Variants in WDR27 observed in about 807,000 individuals in gnomAD.
The protein encoded by WDR27 is WD repeat-containing protein 27.
In WDR27, 100 loss-of-function variants were observed where a neutral mutation model predicts 114.4. The observed-to-expected ratio is 0.87, with a 90% CI of 0.74 to 1.03. WDR27 has a LOEUF of 1.03. Among genes scored for constraint, WDR27 ranks in the 50% least tolerant of loss-of-function variants. WDR27 has a pLI of 0.00. For missense variants in WDR27, 1,129 were observed against 1,092.9 expected, an observed-to-expected ratio of 1.03 and a Z score of -0.47; for synonymous variants, 449 against 423.1, an observed-to-expected ratio of 1.06 and a Z score of -0.75.
At chr6:169,648,371 G>A (rs1031400407) in intron 15 of WDR27, among the ~76,000 whole-genome samples, 1 of 152,202 alleles carries the variant, frequency 6.6e-6, no homozygotes, top group Non-Finnish European at 1.5e-5. Flanking sequence ...AGGCCCAAGA[G>A]AGCCAAATGC....
At chr6:169,593,020 G>T (rs952913372) in intron 23 of WDR27, among the ~76,000 whole-genome samples, 1 of 152,162 alleles carries the variant, frequency 6.6e-6, no homozygotes, top group African/African-American at 2.4e-5. Context: ...ACTTGGACAT[G>T]ATAAATTATT....
At chr6:169,431,250 A>T in the WDR27 span, among the ~76,000 whole-genome samples, 1 of 152,012 alleles carries the variant, frequency 6.6e-6, no homozygotes, top group East Asian at 1.9e-4. Flanking sequence ...CCCAGTCTGT[A>T]TGTGTGTCCT....
intron 25 of WDR27, among the ~76,000 whole-genome samples, chr6:169,516,285 C>T (rs1324279857): frequency 6.6e-6 from 1 of 152,190 alleles, no homozygotes; most frequent in Non-Finnish European, 1.5e-5. Flanking sequence ...TTTCAACTCC[C>T]TAGCTCAACG....
At chr6:169,466,415 T>C (rs1033296707) in intron 25 of WDR27, among the ~76,000 whole-genome samples, 4 of 152,132 alleles carry the variant, frequency 2.6e-5, no homozygotes, top group African/African-American at 9.7e-5. Flanking sequence ...AACACGTCCT[T>C]CTTCACATGT....
chr6:169,452,709 C>T (rs1055989000), downstream of WDR27, among the ~76,000 whole-genome samples: 1 of 152,232 alleles, frequency 6.6e-6, no homozygotes, highest in African/African-American at 2.4e-5. Flanking sequence ...GGATCAGCAC[C>T]ACGTTCCACG....
At chr6:169,608,954 G>A (rs59913287) in intron 22 of WDR27, among the ~76,000 whole-genome samples, 2,068 of 152,256 alleles carry the variant, frequency 0.014, 44 homozygotes, top group African/African-American at 0.047. Flanking sequence ...GGAGAAACTG[G>A]CCAAAACAAA....
chr6:169,474,082 T>C (rs1228304270), intron 25 of WDR27, among the ~76,000 whole-genome samples: 1 of 152,252 alleles, frequency 6.6e-6, no homozygotes, highest in African/African-American at 2.4e-5. Context: ...TAAATTAGGA[T>C]GTCCCCCATA....
At chr6:169,629,488 A>C (rs1815751040) in intron 21 of WDR27, among the ~76,000 whole-genome samples, 1 of 152,222 alleles carries the variant, frequency 6.6e-6, no homozygotes, top group Non-Finnish European at 1.5e-5. Flanking sequence ...AATAAATTAT[A>C]ATTGGCTTTG....
intron 17 of WDR27, among the ~76,000 whole-genome samples, chr6:169,639,969 CGA>C (rs1326076650): frequency 6.6e-6 from 1 of 152,090 alleles, no homozygotes; most frequent in African/African-American, 2.4e-5. Context: ...GTGAGGAGGG[CGA>C]GAGGGGACGA....
intron 24 of WDR27, among the ~76,000 whole-genome samples, chr6:169,577,148 C>T (rs971801525): frequency 1.3e-5 from 2 of 151,522 alleles, no homozygotes; most frequent in Non-Finnish European, 2.9e-5. Context: ...GGAGACGAGA[C>T]CCCTGCGCCC....
chr6:169,529,313 G>T (rs1221016676), intron 25 of WDR27, among the ~76,000 whole-genome samples: 2 of 4,280 alleles, frequency 4.7e-4, no homozygotes, highest in African/African-American at 4.3e-3. Flanking sequence ...TGACCTCTGC[G>T]GGGGGGGGGG....
chr6:169,459,271 C>T (rs758760037), intron 25 of WDR27, among the ~76,000 whole-genome samples: 7 of 151,368 alleles, frequency 4.6e-5, no homozygotes, highest in South Asian at 4.2e-4. Flanking sequence ...GAACCTAAAA[C>T]GAAACAAAAA....
In WDR27 at chr6:169,652,014, G is replaced by C. The variant is rs538009360; in HGVS notation, c.1403-6C>G. On this transcript the variant is annotated splice_region_variant and splice_polypyrimidine_tract_variant and intron_variant, in intron 13 of 25. Transcript: ENST00000448612. The stretch of plus-strand genomic sequence containing the variant: ...CTTCATGACGTTCCGTGCAGCTGTG[G>C]AAAGGCAATTTTAAAGAAGAAACAA... 2 of 1,613,150 alleles carry C rather than the reference G, an allele frequency of 1.2e-6. No homozygotes were observed. Among genetic ancestry groups the C allele is most frequent in the South Asian group, 2.2e-5 (2 of 90,818 alleles).
intron 12 of WDR27, 103 bp downstream of exon 12, chr6:169,658,983 G>A (rs371409708): frequency 2.2e-5 from 32 of 1,431,308 alleles, no homozygotes; most frequent in Admixed American, 8.0e-5. Flanking sequence ...CACCGCGCCC[G>A]GCCAGAGCTC....
intron 21 of WDR27, among the ~76,000 whole-genome samples, chr6:169,628,926 C>G (rs1226522201): frequency 6.6e-6 from 1 of 152,188 alleles, no homozygotes; most frequent in Non-Finnish European, 1.5e-5. Flanking sequence ...ACCCATCTGC[C>G]TCCACAAATT....
chr6:169,472,838 T>C (rs185872313), intron 25 of WDR27, among the ~76,000 whole-genome samples: 9 of 152,320 alleles, frequency 5.9e-5, no homozygotes, highest in Admixed American at 3.9e-4. Context: ...AAAATAAATT[T>C]ACCCTCATAG....
intron 23 of WDR27, 80 bp downstream of exon 23, chr6:169,602,138 TA>T: frequency 9.5e-7 from 1 of 1,054,566 alleles, no homozygotes; most frequent in Non-Finnish European, 1.3e-6. Flanking sequence ...GTTTCTATCC[TA>T]ATATGCAACA....
At chr6:169,430,557 C>G in the WDR27 span, among the ~76,000 whole-genome samples, 1 of 152,016 alleles carries the variant, frequency 6.6e-6, no homozygotes, top group African/African-American at 2.4e-5. Flanking sequence ...TGAATGAGGA[C>G]GAGGGAAGTT....
chr6:169,612,349 G>A (rs929608312), intron 22 of WDR27, among the ~76,000 whole-genome samples: 19 of 152,216 alleles, frequency 1.2e-4, no homozygotes, highest in African/African-American at 4.6e-4. Flanking sequence ...GAAGCCAGGA[G>A]GCGGAGCTTG....
Sources: allele counts gnomAD v4.1 joint callset (sites outside exome capture counted in the v4.1 genomes callset), GRCh38; gene constraint gnomAD v4.1.1; transcripts MANE v1.5; gene names NCBI Gene and HGNC (gene_info 2026-07-23, HGNC 2026-07-21).